SELENOI: variants seen among roughly 807,000 people sequenced by gnomAD.
The protein encoded by SELENOI is selenoprotein I, also known as ethanolaminephosphotransferase 1.
In SELENOI, 24 loss-of-function variants were observed where a neutral mutation model predicts 50.7. That is an observed-to-expected ratio of 0.47 (90% CI 0.34 to 0.67). The LOEUF is 0.67. SELENOI is among the 30% of genes least tolerant of loss of function. SELENOI has a pLI of 0.01. For missense variants in SELENOI, 352 were observed against 461.4 expected (o/e 0.76, Z 2.17); for synonymous variants, 155 against 170.2 (o/e 0.91, Z 0.70).
intron 1 of SELENOI, among the ~76,000 whole-genome samples, chr2:26,356,483 G>A (rs1055459471): frequency 6.6e-6 from 1 of 152,104 alleles, no homozygotes; most frequent in African/African-American, 2.4e-5. Flanking sequence ...GGTCCAAGAA[G>A]GTGTTTTCAT....
At chr2:26,372,569 G>A (rs1677480697) in intron 4 of SELENOI, among the ~76,000 whole-genome samples, 1 of 151,946 alleles carries the variant, frequency 6.6e-6, no homozygotes, top group African/African-American at 2.4e-5. Context: ...TTAAAATTAT[G>A]GAGGCAGTAG....
At chr2:26,384,242 T>C (rs1677791486) in intron 7 of SELENOI, among the ~76,000 whole-genome samples, 1 of 152,250 alleles carries the variant, frequency 6.6e-6, no homozygotes, top group African/African-American at 2.4e-5. Flanking sequence ...AACCAAGCGC[T>C]ATTAATCTTC....
At chr2:26,364,062 T>C (rs1186842566) in intron 1 of SELENOI, among the ~76,000 whole-genome samples, 1 of 150,726 alleles carries the variant, frequency 6.6e-6, no homozygotes, top group African/African-American at 2.4e-5. Context: ...TTTGTACTAT[T>C]ACTTTCTTTC....
chr2:26,349,621 A>G (rs1437002937), intron 1 of SELENOI, among the ~76,000 whole-genome samples: 6 of 144,402 alleles, frequency 4.2e-5, no homozygotes, highest in Non-Finnish European at 1.5e-5. Context: ...ACAGGTCTTT[A>G]TAGTTGAGGG....
At chr2:26,373,235 C>A in intron 4 of SELENOI, 132 bp from the exon 5 acceptor site, 1 of 1,079,704 alleles carries the variant, frequency 9.3e-7, no homozygotes, top group Non-Finnish European at 1.3e-6. Context: ...TTTTATAGTA[C>A]CAGCTGATAG....
chr2:26,381,198 C>CTTTTTTTTTTTTTT lies in SELENOI; in HGVS notation c.683-2083_683-2070dup, dbSNP rs57102834. Among the ~76,000 whole-genome samples, 25 of 30,198 alleles carry CTTTTTTTTTTTTTT rather than the reference C, an allele frequency of 8.3e-4. 2 individuals carry two copies. Among genetic ancestry groups the CTTTTTTTTTTTTTT allele is most frequent in the African/African-American group, 2.7e-3 (15 of 5,532 alleles). The allele number at this position is 30,198 out of a possible 152,430, so 19.8% of individuals were successfully genotyped here. On this transcript the variant is annotated intron_variant, in intron 6 of 9. Transcript: ENST00000260585. ...TGGATTGTATCTCCTTCAGTTTGGT[C>CTTTTTTTTTTTTTT]TTTTTTTTTTTTTTTTTTTTTTTTT...
rs1176341255 is a variant in SELENOI at position 26,351,184 on chromosome 2, G to A, written c.57+4895G>A. Among the ~76,000 whole-genome samples the A allele has an allele frequency of 1.7e-4, 26 of 149,754 alleles. No individual in the cohort carries two copies. The Admixed American group carries it at 1.7e-3, about 10-fold the overall frequency. The stretch of plus-strand genomic sequence containing the variant: ...AGCAATTCTCGTGCCTCAGCCTCCC[G>A]AGTGTCTAGGATTACAGGCACGCAC... On this transcript the variant is annotated intron_variant, in intron 1 of 9. Coordinates refer to ENST00000260585, the MANE Select transcript of SELENOI (RefSeq NM_033505.4).
At chr2:26,371,538 G>A (rs1179057061) in intron 4 of SELENOI, among the ~76,000 whole-genome samples, 2 of 152,192 alleles carry the variant, frequency 1.3e-5, no homozygotes, top group Admixed American at 1.3e-4. Flanking sequence ...GTAGCGAGCC[G>A]AGATCACGCC....
At chr2:26,353,332 T>C (rs1285660428) in intron 1 of SELENOI, among the ~76,000 whole-genome samples, 2 of 152,242 alleles carry the variant, frequency 1.3e-5, no homozygotes, top group African/African-American at 4.8e-5. Flanking sequence ...AAATCTCATT[T>C]GTGAATGAGT....
At chr2:26,346,437 G>T in intron 1 of SELENOI, 148 bp downstream of exon 1, 3 of 985,236 alleles carry the variant, frequency 3.0e-6, no homozygotes, top group East Asian at 3.0e-5. Flanking sequence ...CGGGTCCTGG[G>T]GATTGGGGGT....
Position 26,373,630 on chromosome 2 carries a change from G to GT in SELENOI, c.573+2dup. 6.2e-7 allele frequency: 1 copy of GT among 1,613,440 alleles called. No individual in the cohort carries two copies. Among genetic ancestry groups the GT allele is most frequent in the Non-Finnish European group, 8.5e-7 (1 of 1,179,654 alleles). ...ATGGGGATATGACATTAGCCAGGTGGTAAGTATGTGTTCTACCTTAAATTT... is the reference window on the plus strand; with the variant it reads ...ATGGGGATATGACATTAGCCAGGTGGTTAAGTATGTGTTCTACCTTAAATTT... On this transcript the variant is annotated splice_donor_variant, in intron 5 of 9. Coordinates refer to ENST00000260585, the MANE Select transcript of SELENOI (RefSeq NM_033505.4). LOFTEE classifies it high-confidence loss of function.
chr2:26,361,811 AC>A (rs1166425754), intron 1 of SELENOI, among the ~76,000 whole-genome samples: 1 of 151,724 alleles, frequency 6.6e-6, no homozygotes, highest in African/African-American at 2.4e-5. Context: ...ATGCCACCAC[AC>A]CCGACTAATT....
chr2:26,373,656 T>G (rs1299080209), intron 5 of SELENOI, 27 bp downstream of exon 5: 9 of 1,607,358 alleles, frequency 5.6e-6, no homozygotes, highest in Non-Finnish European at 7.7e-6. Context: ...CCTTAAATTT[T>G]CAGTATTACC....
At chr2:26,373,275 T>G in intron 4 of SELENOI, 92 bp from the exon 5 acceptor site, 2 of 1,408,240 alleles carry the variant, frequency 1.4e-6, no homozygotes, top group Non-Finnish European at 1.9e-6. Context: ...GATAAGCTGA[T>G]TTGTTTTGTT....
At chr2:26,368,206 G>C (rs1003956275) in intron 4 of SELENOI, among the ~76,000 whole-genome samples, 22 of 152,194 alleles carry the variant, frequency 1.4e-4, no homozygotes, top group African/African-American at 4.3e-4. Flanking sequence ...GTTTGGAGAA[G>C]GAAGAAATCA....
chr2:26,389,153 A>T lies in SELENOI; in HGVS notation c.*50A>T. On this transcript the variant is annotated 3_prime_UTR_variant, in exon 10 of 10. Transcript: ENST00000260585. ...GTACTGTAAATAAATGCTTGTAAAT[A>T]TTTCCTCCATCACCATTGAACTAGA... 7.3e-7 allele frequency: 1 copy of T among 1,368,248 alleles called. No homozygotes were observed. Among genetic ancestry groups the T allele is most frequent in the Middle Eastern group, 1.8e-4 (1 of 5,660 alleles). The allele number at this position is 1,368,248 out of a possible 1,614,324, so 84.8% of individuals were successfully genotyped here.
intron 1 of SELENOI, among the ~76,000 whole-genome samples, chr2:26,363,888 G>C (rs1677232267): frequency 6.6e-6 from 1 of 152,044 alleles, no homozygotes; most frequent in Non-Finnish European, 1.5e-5. Context: ...TTACAGGCGT[G>C]TGCCACCATG....
chr2:26,381,680 T>G (rs945717400), intron 6 of SELENOI, among the ~76,000 whole-genome samples: 2 of 152,204 alleles, frequency 1.3e-5, no homozygotes, highest in Non-Finnish European at 2.9e-5. Context: ...TAAAAATTTC[T>G]GAGAACACTG....
chr2:26,377,641 A>T (rs1296125133), intron 6 of SELENOI, among the ~76,000 whole-genome samples: 2 of 152,184 alleles, frequency 1.3e-5, no homozygotes, highest in Non-Finnish European at 2.9e-5. Context: ...CAAAAAAAAA[A>T]AAGTTATTGT....
Sources: gnomAD v4.1 joint callset for allele counts (sites outside exome capture counted in the v4.1 genomes callset) on GRCh38, gnomAD v4.1.1 for gene constraint, MANE v1.5 for transcripts, NCBI Gene and HGNC (gene_info 2026-07-23, HGNC 2026-07-21) for gene names.